Variants in TSEN2 observed in about 807,000 individuals in gnomAD.
The protein encoded by TSEN2 is tRNA-splicing endonuclease subunit Sen2.
In TSEN2, 54 loss-of-function variants were observed where a neutral mutation model predicts 59.2. The ratio of observed to expected loss-of-function variants is 0.91; its 90% CI spans 0.73 to 1.14. TSEN2 has a LOEUF of 1.14. Ranked by LOEUF, TSEN2 falls within the 50% of genes most tolerant of loss-of-function variation. The pLI is 0.00. For missense variants in TSEN2, 636 were observed against 576.2 expected (o/e 1.10, Z -1.06); for synonymous variants, 195 against 198.2 (o/e 0.98, Z 0.14).
intron 1 of TSEN2, among the ~76,000 whole-genome samples, chr3:12,486,536 T>A (rs1472159040): frequency 1.3e-5 from 2 of 152,240 alleles, no homozygotes; most frequent in Admixed American, 1.3e-4. Context: ...TACTTCTGAA[T>A]TTTTTAAAAT....
upstream of TSEN2, among the ~76,000 whole-genome samples, chr3:12,482,704 C>T (rs753064922): frequency 6.6e-6 from 1 of 152,186 alleles, no homozygotes; most frequent in Non-Finnish European, 1.5e-5. Flanking sequence ...TCGGTTATCT[C>T]TGACAACTCA....
chr3:12,480,601 G>A (rs1168899024), upstream of TSEN2, among the ~76,000 whole-genome samples: 6 of 125,826 alleles, frequency 4.8e-5, no homozygotes, highest in Non-Finnish European at 6.3e-5. Flanking sequence ...CGCAATCTCC[G>A]CTCACTGTAA....
intron 3 of TSEN2, among the ~76,000 whole-genome samples, chr3:12,494,546 G>A (rs2053548703): frequency 6.6e-6 from 1 of 151,912 alleles, no homozygotes; most frequent in Non-Finnish European, 1.5e-5. Context: ...GATTACAGGT[G>A]TATCCCACCA....
chr3:12,516,442 ATATATGTGTGTGTGTGTGTGTGTGTG>A (rs1482953800), intron 6 of TSEN2, among the ~76,000 whole-genome samples, 143 bp from the exon 7 acceptor site: 4 of 89,098 alleles, frequency 4.5e-5, no homozygotes, highest in Admixed American at 1.4e-4. Context: ...AACAAACAAA[ATATATGTGTGTGTGTGTGTGTGTGTG>A]TGTGTGTGTG....
rs570842569 is a variant in TSEN2, at chr3:12,531,483, T to G, written c.1249-87T>G. 14 of 820,112 alleles carry G rather than the reference T, an allele frequency of 1.7e-5. No individual in the cohort carries two copies. In the South Asian group the frequency reaches 1.7e-4, roughly 10 times the overall value. The allele number at this position is 820,112 out of a possible 1,614,324, so 50.8% of individuals were successfully genotyped here. A position where few individuals can be genotyped will look rare whatever the true frequency, so the allele number is the denominator to read the frequency against. On this transcript the variant is annotated intron_variant, in intron 10 of 11. Coordinates refer to ENST00000284995, the MANE Select transcript of TSEN2 (RefSeq NM_025265.4). ...ACTTGGAGTGCACAGTGAGAGGGAC[T>G]GGAGACCACCTGCATTTCCTGCTGA...
intron 3 of TSEN2, among the ~76,000 whole-genome samples, chr3:12,493,067 A>C (rs1450695356): frequency 6.6e-6 from 1 of 152,188 alleles, no homozygotes; most frequent in Non-Finnish European, 1.5e-5. Context: ...TTCACTTAGC[A>C]TATTTTCGAG....
rs1216259952 is a variant in TSEN2 at position 12,492,068 on chromosome 3, A to G, written c.190-68A>G. On this transcript the variant is annotated intron_variant, in intron 2 of 11. Coordinates refer to ENST00000284995, the MANE Select transcript of TSEN2 (RefSeq NM_025265.4). ...CCTGTGGATACTGAGGGATTACTGT[A>G]TATTCTACCTCAGCTAAAAAACTGG... 9 of 1,353,028 alleles carry G rather than the reference A, an allele frequency of 6.7e-6. No individual in the cohort carries two copies. The African/African-American group carries it at 1.0e-4, about 15-fold the overall frequency. The allele number at this position is 1,353,028 out of a possible 1,614,324, so 83.8% of individuals were successfully genotyped here. A position where few individuals can be genotyped will look rare whatever the true frequency, so the allele number is the denominator to read the frequency against.
downstream of TSEN2, among the ~76,000 whole-genome samples, chr3:12,537,271 C>T (rs1271123998): frequency 5.3e-5 from 8 of 152,078 alleles, no homozygotes; most frequent in East Asian, 1.5e-3. Context: ...TGGTAGCATG[C>T]ATCTGTAGTC....
chr3:12,538,082 G>A (rs942529441), downstream of TSEN2, among the ~76,000 whole-genome samples: 5 of 152,182 alleles, frequency 3.3e-5, no homozygotes, highest in African/African-American at 1.2e-4. Context: ...TTGAAGGAAA[G>A]TACCTGAGCT....
chr3:12,494,650 C>T (rs1196647330), intron 3 of TSEN2, among the ~76,000 whole-genome samples: 1 of 151,902 alleles, frequency 6.6e-6, no homozygotes, highest in Non-Finnish European at 1.5e-5. Flanking sequence ...ATCTGCCTGC[C>T]TTGGCCTCCC....
In TSEN2 at chr3:12,503,515, G is replaced by A. The variant is rs2054511371; in HGVS notation, c.562G>A (p.Glu188Lys). 1 of 1,614,068 alleles carries A rather than the reference G, an allele frequency of 6.2e-7. No homozygotes were observed. The highest frequency in any genetic ancestry group is 1.1e-5 in the South Asian group (1 of 91,084). The part of the protein sequence containing the change: ...GKSGGVGDPR[E>K]PLGCLQEGSG... ...GTCAGGTGGTGTGGGTGATCCCCGTGAGCCATTAGGCTGCCTGCAGGAGGG... is the reference window on the plus strand; with the variant it reads ...GTCAGGTGGTGTGGGTGATCCCCGTAAGCCATTAGGCTGCCTGCAGGAGGG... The change falls in exon 5 of 12, where the codon GAG becomes AAG. Residue 188 changes from glutamate (E) to lysine (K), a missense_variant. Transcript: ENST00000284995.
intron 6 of TSEN2, chr3:12,511,264 A>G (rs1489743990): frequency 6.6e-6 from 1 of 152,230 alleles, no homozygotes; most frequent in Non-Finnish European, 1.5e-5. Context: ...GCTAAGAAAA[A>G]AAAAAGATCT....
Position 12,519,156 on chromosome 3 carries a change from G to T in TSEN2, c.1058G>T (p.Gly353Val), listed in dbSNP as rs768531047. ...GCCTACCATTACTTTCGAAGCAAGGGCTGGGTGCCCAAAGTGGGACTCAAG... is the reference window on the plus strand; with the variant it reads ...GCCTACCATTACTTTCGAAGCAAGGTCTGGGTGCCCAAAGTGGGACTCAAG... ...YMAYHYFRSK[G>V]WVPKVGLKYG... Residue 353 changes from glycine to valine, a missense_variant, in exon 8 of 12, where the codon GGC (glycine) becomes GTC (valine). By Grantham distance (109) the Gly-to-Val change is moderately radical (BLOSUM62 -3). Coordinates refer to ENST00000284995, the MANE Select transcript of TSEN2 (RefSeq NM_025265.4). 1.9e-6 allele frequency: 3 copies of T among 1,614,096 alleles called. No homozygotes were observed. Among genetic ancestry groups the T allele is most frequent in the South Asian group, 2.2e-5 (2 of 91,094 alleles).
intron 4 of TSEN2, among the ~76,000 whole-genome samples, chr3:12,502,397 G>A (rs536728866): frequency 6.6e-6 from 1 of 152,028 alleles, no homozygotes; most frequent in East Asian, 1.9e-4. Context: ...TTAGCTGGGG[G>A]TGGTGACGCA....
At chr3:12,502,075 A>G (rs1453042274) in intron 4 of TSEN2, among the ~76,000 whole-genome samples, 1 of 152,248 alleles carries the variant, frequency 6.6e-6, no homozygotes, top group African/African-American at 2.4e-5. Flanking sequence ...TTCTGTTAGA[A>G]TATGTGGATG....
rs186548093 is a variant in TSEN2, at chr3:12,512,806, G to A, written c.910-3805G>A. Among the ~76,000 whole-genome samples the A allele has an allele frequency of 3.9e-5, 6 of 152,314 alleles. No homozygotes were observed. The East Asian group carries it at 1.2e-3, about 29-fold the overall frequency. On this transcript the variant is annotated intron_variant, in intron 6 of 11. Coordinates refer to ENST00000284995, the MANE Select transcript of TSEN2 (RefSeq NM_025265.4). Reference sequence around the variant, plus strand: ...AGTCTGTGCGAGTATTCATTTCAGGGATAATTAGATTGCCATGCCAGTTAG... The same window carrying A: ...AGTCTGTGCGAGTATTCATTTCAGGAATAATTAGATTGCCATGCCAGTTAG...
chr3:12,504,313 G>A (rs2054594789), intron 5 of TSEN2, among the ~76,000 whole-genome samples: 1 of 152,198 alleles, frequency 6.6e-6, no homozygotes, highest in Non-Finnish European at 1.5e-5. Context: ...CAGGTGCAGT[G>A]GCTCACACCT....
At chr3:12,481,189 C>T (rs922497696), upstream of TSEN2, among the ~76,000 whole-genome samples, 7 of 152,134 alleles carry the variant, frequency 4.6e-5, no homozygotes, top group East Asian at 1.9e-4. Context: ...CACATTTCAC[C>T]GATAACTGTT....
chr3:12,503,664 A>G lies in TSEN2; in HGVS notation c.711A>G (p.Glu237=), dbSNP rs1306550826. The change falls in exon 5 of 12, where the codon GAA becomes GAG. Residue 237 remains glutamate (E), a synonymous_variant. Transcript: ENST00000284995. The stretch of plus-strand genomic sequence containing the variant: ...TCCTCCAGCGTGGCCTTCATCATGA[A>G]GACGGCAGCCAGCACATCGGCCTCC... ...ALILQRGLHH[E]DGSQHIGLLH... 6.2e-7 allele frequency: 1 copy of G among 1,606,816 alleles called. No individual in the cohort carries two copies. Among genetic ancestry groups the G allele is most frequent in the Non-Finnish European group, 8.5e-7 (1 of 1,176,330 alleles).
Sources: gnomAD v4.1 joint callset for allele counts (sites outside exome capture counted in the v4.1 genomes callset) on GRCh38, gnomAD v4.1.1 for gene constraint, MANE v1.5 for transcripts, NCBI Gene and HGNC (gene_info 2026-07-23, HGNC 2026-07-21) for gene names.